The following MSC variants were observed in gnomAD, a reference collection of about 807,000 sequenced individuals.
MSC encodes the protein musculin, also known as activated B-cell factor 1, homolog of mouse musculin.
A neutral mutation model predicts 14.4 loss-of-function variants in MSC; 16 were observed. The ratio of observed to expected loss-of-function variants is 1.11; its 90% CI spans 0.75 to 1.69. The LOEUF (loss-of-function observed/expected upper bound fraction) is 1.69, where lower values mean the gene tolerates loss of function less well. MSC is among the 40% of genes most tolerant of loss of function. The pLI is 0.00. For synonymous variants in MSC, 165 were observed against 128.5 expected, an observed-to-expected ratio of 1.28 and a Z score of -1.92; for missense variants, 320 against 288.1, an observed-to-expected ratio of 1.11 and a Z score of -0.80.
In MSC at chr8:71,843,647, G is replaced by C; in HGVS notation, c.532C>G (p.Leu178Val). 6.2e-7 allele frequency: 1 copy of C among 1,614,190 alleles called. No homozygotes were observed. The highest frequency in any genetic ancestry group is 8.5e-7 in the Non-Finnish European group (1 of 1,180,036). The change falls in exon 1 of 2, where the codon CTG becomes GTG. Residue 178 changes from leucine (L) to valine (V), a missense_variant and splice_region_variant. By Grantham distance (32) the Leu-to-Val change is conservative (BLOSUM62 1). Coordinates refer to ENST00000325509, the MANE Select transcript of MSC (RefSeq NM_005098.4). ...ATCCTTGCGCGCCGCGCCCCTACCA[G>C]GTTCACTGGGTGCACGTAGCCGTTC... is the stretch of plus-strand genomic sequence containing the variant. ...YENGYVHPVN[L>V]TWPFVVSGRP...
Position 71,843,629 on chromosome 8 carries a change from C to T in MSC, c.534+16G>A, listed in dbSNP as rs1415615657. ...TCCTGGCTGCTCTCCCGAATCCTTGCGCGCCGCGCCCCTACCAGGTTCACT... is the reference window on the plus strand; with the variant it reads ...TCCTGGCTGCTCTCCCGAATCCTTGTGCGCCGCGCCCCTACCAGGTTCACT... On this transcript the variant is annotated intron_variant, in intron 1 of 1. Coordinates refer to ENST00000325509, the MANE Select transcript of MSC (RefSeq NM_005098.4). The T allele has an allele frequency of 1.2e-6, 2 of 1,614,098 alleles. No homozygotes were observed. The highest frequency in any genetic ancestry group is 2.2e-5 in the East Asian group (1 of 44,870).
In MSC at chr8:71,843,903, C is replaced by T. The variant is rs1563798273; in HGVS notation, c.276G>A (p.Lys92=). 1 of 1,593,384 alleles carries T rather than the reference C, an allele frequency of 6.3e-7. No individual in the cohort carries two copies. Among genetic ancestry groups the T allele is most frequent in the South Asian group, 1.1e-5 (1 of 89,100 alleles). ...GAGGSAGGGG[K]KPLPAKGSAA... is the part of the protein sequence containing the mutation. ...CTGAGCCCTTGGCCGGGAGGGGCTTCTTGCCACCACCGCCCGCGCTACCAC... is the reference window on the plus strand; with the variant it reads ...CTGAGCCCTTGGCCGGGAGGGGCTTTTTGCCACCACCGCCCGCGCTACCAC... Residue 92 remains lysine, a synonymous_variant, in exon 1 of 2, where the codon AAG becomes AAA. Transcript: ENST00000325509.
rs2129420984 is a variant in MSC at position 71,842,313 on chromosome 8, G to C, written c.*348C>G. On this transcript the variant is annotated 3_prime_UTR_variant, in exon 2 of 2. Coordinates refer to ENST00000325509, the MANE Select transcript of MSC (RefSeq NM_005098.4). ...GCACGTGTGCGATGAATCTGGCTCC[G>C]CTGAGAACGGATCCGTGGGCTGTCT... is the stretch of plus-strand genomic sequence containing the variant. The C allele has an allele frequency of 6.0e-6, 2 of 333,028 alleles. No homozygotes were observed. The highest frequency in any genetic ancestry group is 3.8e-5 in the Admixed American group (1 of 26,024). 20.6% of individuals were successfully genotyped at this position (333,028 alleles called of 1,614,324 possible).
Position 71,843,856 on chromosome 8 carries a change from T to C in MSC, c.323A>G (p.Gln108Arg), listed in dbSNP as rs764915854. ...CTCACGGGCGTTGGCCGCGTTCCGCTGCGACTGCTTGCACTCTGCGGCTGA... is the reference window on the plus strand; with the variant it reads ...CTCACGGGCGTTGGCCGCGTTCCGCCGCGACTGCTTGCACTCTGCGGCTGA... ...KGSAAECKQSQRNAANARERA... is the reference protein window; with the variant it reads ...KGSAAECKQSRRNAANARERA... Residue 108 changes from glutamine (Q) to arginine (R), a missense_variant, in exon 1 of 2, where the codon CAG (glutamine) becomes CGG (arginine). Gln to Arg is a conservative substitution (Grantham distance 43, BLOSUM62 1). Coordinates refer to ENST00000325509, the MANE Select transcript of MSC (RefSeq NM_005098.4). 6.2e-7 allele frequency: 1 copy of C among 1,612,526 alleles called. No homozygotes were observed. Among genetic ancestry groups the C allele is most frequent in the South Asian group, 1.1e-5 (1 of 90,974 alleles).
chr8:71,842,707 G>A lies in MSC; in HGVS notation c.575C>T (p.Thr192Ile). 6.2e-7 allele frequency: 1 copy of A among 1,614,076 alleles called. No homozygotes were observed. Among genetic ancestry groups the A allele is most frequent in the African/African-American group, 1.3e-5 (1 of 74,998 alleles). Residue 192 changes from threonine (T) to isoleucine (I), a missense_variant, in exon 2 of 2, where the codon ACC becomes ATC. Thr to Ile is a moderately conservative substitution (Grantham distance 89, BLOSUM62 -1). Transcript: ENST00000325509. ...TCTGTTGGCTGCGGAAACTTCTTTG[G>A]TGTCAGAGTCCGGTCTTCCCGAGAC... ...FVVSGRPDSD[T>I]KEVSAANRLC...
intron 1 of MSC, 58 bp downstream of exon 1, chr8:71,843,587 G>A (rs775219597): frequency 1.2e-6 from 2 of 1,612,440 alleles, no homozygotes; most frequent in Non-Finnish European, 1.7e-6. Context: ...CCGGCGCCCA[G>A]GAGCGCCCTG....
rs1408392227 is a variant in MSC at position 71,844,371 on chromosome 8, G to T, written c.-193C>A. ...CGTGAGCGCCCCTCTGCTGACCCCG[G>T]GGAGCGTGGACTACGAGTTGGCGCC... is the stretch of plus-strand genomic sequence containing the variant. On this transcript the variant is annotated 5_prime_UTR_variant, in exon 1 of 2. Transcript: ENST00000325509. 22 of 814,652 alleles carry T rather than the reference G, an allele frequency of 2.7e-5. No individual in the cohort carries two copies. Among genetic ancestry groups the T allele is most frequent in the Non-Finnish European group, 4.5e-5 (22 of 489,020 alleles). The allele number at this position is 814,652 out of a possible 1,614,324, so 50.5% of individuals were successfully genotyped here. A position where few individuals can be genotyped will look rare whatever the true frequency, so the allele number is the denominator to read the frequency against.
chr8:71,844,348 T>A lies in MSC; in HGVS notation c.-170A>T. On this transcript the variant is annotated 5_prime_UTR_variant, in exon 1 of 2. Coordinates refer to ENST00000325509, the MANE Select transcript of MSC (RefSeq NM_005098.4). ...GAAAGCGAGGTGGGTGGCGAGAGCG[T>A]GAGCGCCCCTCTGCTGACCCCGGGG... 2 of 950,362 alleles carry A rather than the reference T, an allele frequency of 2.1e-6. No individual in the cohort carries two copies. Among genetic ancestry groups the A allele is most frequent in the African/African-American group, 1.6e-5 (1 of 61,934 alleles). The allele number at this position is 950,362 out of a possible 1,614,324, so 58.9% of individuals were successfully genotyped here. A position where few individuals can be genotyped will look rare whatever the true frequency, so the allele number is the denominator to read the frequency against.
rs1807401721 is a variant in MSC at position 71,842,414 on chromosome 8, T to A, written c.*247A>T. The A allele has an allele frequency of 4.1e-6, 2 of 489,878 alleles. No individual in the cohort carries two copies. The highest frequency in any genetic ancestry group is 3.9e-5 in the African/African-American group (2 of 51,092). 30.3% of individuals were successfully genotyped at this position (489,878 alleles called of 1,614,324 possible). ...AGGGTGGACCTGCGTCCGCGTCTCG[T>A]CACGAAAGGAAGCTCTTTTTGGAGA... On this transcript the variant is annotated 3_prime_UTR_variant, in exon 2 of 2. Transcript: ENST00000325509.
Position 71,842,746 on chromosome 8 carries a change from G to A in MSC, c.536C>T (p.Thr179Ile). ...TCTTCCCGAGACCACGAATGGCCAT[G>A]TCTGTAAATCAAAAAGAACGTGAGA... ...ENGYVHPVNL[T>I]WPFVVSGRPD... Residue 179 changes from threonine (T) to isoleucine (I), a missense_variant and splice_region_variant, in exon 2 of 2, where the codon ACA (threonine) becomes ATA (isoleucine). Coordinates refer to ENST00000325509, the MANE Select transcript of MSC (RefSeq NM_005098.4). The A allele has an allele frequency of 1.2e-6, 2 of 1,613,898 alleles. No individual in the cohort carries two copies. Among genetic ancestry groups the A allele is most frequent in the Admixed American group, 3.3e-5 (2 of 60,018 alleles).
Position 71,842,579 on chromosome 8 carries a change from T to C in MSC, c.*82A>G, listed in dbSNP as rs1807406225. ...AGAATCCAGCGGAAACTTCTTCCCA[T>C]CTCACGAGCTCTCCCTTCTCTCCGT... On this transcript the variant is annotated 3_prime_UTR_variant, in exon 2 of 2. Transcript: ENST00000325509. The C allele has an allele frequency of 7.6e-7, 1 of 1,310,098 alleles. No homozygotes were observed. Among genetic ancestry groups the C allele is most frequent in the Admixed American group, 1.7e-5 (1 of 59,478 alleles). 81.2% of individuals were successfully genotyped at this position (1,310,098 alleles called of 1,614,324 possible).
rs1807463324 is a variant in MSC, at chr8:71,844,241, C to T, written c.-63G>A. 3 of 1,601,838 alleles carry T rather than the reference C, an allele frequency of 1.9e-6. No individual in the cohort carries two copies. Among genetic ancestry groups the T allele is most frequent in the East Asian group, 2.2e-5 (1 of 44,748 alleles). ...CCCCCCTGGCCAGTCTCGCTGTCTC[C>T]GCCTTCCGCTCCCTGGCGGAGGCGG... is the stretch of plus-strand genomic sequence containing the variant. On this transcript the variant is annotated 5_prime_UTR_variant, in exon 1 of 2. Coordinates refer to ENST00000325509, the MANE Select transcript of MSC (RefSeq NM_005098.4).
chr8:71,843,199 C>T (rs1270234396), intron 1 of MSC: 1 of 331,170 alleles, frequency 3.0e-6, no homozygotes, highest in East Asian at 8.1e-5. Flanking sequence ...GGAAACGTTA[C>T]TATCTTCCAC....
At chr8:71,843,452 G>C (rs1807435589) in intron 1 of MSC, 193 bp downstream of exon 1, 1 of 733,668 alleles carries the variant, frequency 1.4e-6, no homozygotes, top group Admixed American at 2.0e-5. Flanking sequence ...AGACACGGAG[G>C]GTTGATTCTT....
chr8:71,843,875 C>T lies in MSC; in HGVS notation c.304G>A (p.Ala102Thr), dbSNP rs765804759. The T allele has an allele frequency of 5.0e-6, 8 of 1,609,514 alleles. No individual in the cohort carries two copies. Among genetic ancestry groups the T allele is most frequent in the African/African-American group, 1.3e-5 (1 of 74,938 alleles). Residue 102 changes from alanine (A) to threonine (T), a missense_variant, in exon 1 of 2, where the codon GCA (alanine) becomes ACA (threonine). Physicochemically the swap from Ala to Thr is moderately conservative, Grantham distance 58. Transcript: ENST00000325509. ...TTCCGCTGCGACTGCTTGCACTCTG[C>T]GGCTGAGCCCTTGGCCGGGAGGGGC... is the stretch of plus-strand genomic sequence containing the variant. Reference protein sequence around the residue: ...KKPLPAKGSAAECKQSQRNAA... With the variant: ...KKPLPAKGSATECKQSQRNAA...
At chr8:71,843,309 T>G in intron 1 of MSC, 10 of 431,810 alleles carry the variant, frequency 2.3e-5, no homozygotes, top group East Asian at 5.0e-5. Flanking sequence ...CTCAGCTGGA[T>G]TAAGTTGGGC....
chr8:71,844,148 C>T lies in MSC; in HGVS notation c.31G>A (p.Glu11Lys), dbSNP rs749701821. 5.8e-6 allele frequency: 9 copies of T among 1,544,230 alleles called. No homozygotes were observed. The highest frequency in any genetic ancestry group is 2.3e-5 in the East Asian group (1 of 44,194). MSTGSVSDPE[E>K]MELRGLQREY... Reference sequence around the variant, plus strand: ...CGCTGCAGCCCCCGAAGCTCCATCTCCTCCGGATCACTCACCGAGCCCGTG... The same window carrying T: ...CGCTGCAGCCCCCGAAGCTCCATCTTCTCCGGATCACTCACCGAGCCCGTG... Residue 11 changes from glutamate (E) to lysine (K), a missense_variant, in exon 1 of 2, where the codon GAG (glutamate) becomes AAG (lysine). Coordinates refer to ENST00000325509, the MANE Select transcript of MSC (RefSeq NM_005098.4).
At chr8:71,842,783 A>G (rs1286798336) in intron 1 of MSC, 36 bp from the exon 2 acceptor site, 1 of 1,594,986 alleles carries the variant, frequency 6.3e-7, no homozygotes, top group Non-Finnish European at 8.6e-7. Flanking sequence ...ATTAGAGAGA[A>G]ACGATTGTCT....
rs375985185 is a variant in MSC at position 71,844,215 on chromosome 8, T to C, written c.-37A>G. 4 of 1,598,016 alleles carry C rather than the reference T, an allele frequency of 2.5e-6. No individual in the cohort carries two copies. Among genetic ancestry groups the C allele is most frequent in the South Asian group, 1.1e-5 (1 of 90,380 alleles). Reference sequence around the variant, plus strand: ...CCTTGCCCACACGCGTCCTCTTTCCTCCCCCCTGGCCAGTCTCGCTGTCTC... The same window carrying C: ...CCTTGCCCACACGCGTCCTCTTTCCCCCCCCCTGGCCAGTCTCGCTGTCTC... On this transcript the variant is annotated 5_prime_UTR_variant, in exon 1 of 2. Coordinates refer to ENST00000325509, the MANE Select transcript of MSC (RefSeq NM_005098.4).
Sources: gnomAD v4.1 joint callset for allele counts on GRCh38, gnomAD v4.1.1 for gene constraint, MANE v1.5 for transcripts, NCBI Gene and HGNC (gene_info 2026-07-23, HGNC 2026-07-21) for gene names.